QRICH2: variants seen among roughly 807,000 people sequenced by gnomAD.
The protein encoded by QRICH2 is glutamine rich 2.
Under a neutral mutation model 168.3 loss-of-function variants are expected in QRICH2, and 119 were observed. The observed-to-expected ratio is 0.71, with a 90% CI of 0.61 to 0.82. QRICH2 has a LOEUF of 0.82. Among genes scored for constraint, QRICH2 ranks in the 40% least tolerant of loss-of-function variants. The pLI, the probability that QRICH2 is intolerant of heterozygous loss-of-function variation, is 0.00. For synonymous variants in QRICH2, 894 were observed against 951.2 expected (o/e 0.94, Z 1.11); for missense variants, 2,241 against 2,491.6 (o/e 0.90, Z 2.14).
intron 14 of QRICH2, 143 bp downstream of exon 14, chr17:76,278,898 G>A (rs771789713): frequency 1.6e-5 from 12 of 741,276 alleles, no homozygotes; most frequent in East Asian, 2.7e-5. Context: ...CCCATTCCAA[G>A]GAGGAGGCTC....
intron 3 of QRICH2, among the ~76,000 whole-genome samples, chr17:76,303,352 T>G (rs1232005055): frequency 6.6e-6 from 1 of 152,168 alleles, no homozygotes; most frequent in Admixed American, 6.5e-5. Flanking sequence ...TCCGTCTACA[T>G]TTTCAAATGG....
At position 76,279,050 on chromosome 17, in the gene QRICH2, T is replaced by C. The variant is rs1362118875; in HGVS notation, c.4907A>G (p.His1636Arg). The C allele has an allele frequency of 1.2e-6, 2 of 1,613,648 alleles. No homozygotes were observed. Among genetic ancestry groups the C allele is most frequent in the Non-Finnish European group, 1.7e-6 (2 of 1,179,910 alleles). ...TVFELEQVRQHSRNLKLGSAF... is the reference protein window; with the variant it reads ...TVFELEQVRQRSRNLKLGSAF... ...CTGTCCCATAGCATACTTGCGGCTATGCTGCCGGACCTGCTCCAGTTCAAA... is the reference window on the plus strand; with the variant it reads ...CTGTCCCATAGCATACTTGCGGCTACGCTGCCGGACCTGCTCCAGTTCAAA... Residue 1636 changes from histidine (H) to arginine (R), a missense_variant, in exon 14 of 19, where the codon CAT (histidine) becomes CGT (arginine). By Grantham distance (29) the His-to-Arg change is conservative. This residue lies in a region of QRICH2 where 2,047 missense variants were observed against 2,303.8 expected (regional missense o/e 0.89). Coordinates refer to ENST00000680821, the MANE Select transcript of QRICH2 (RefSeq NM_001388453.1).
intron 12 of QRICH2, 89 bp from the exon 13 acceptor site, chr17:76,279,517 G>T: frequency 4.1e-6 from 4 of 986,768 alleles, no homozygotes; most frequent in Non-Finnish European, 3.1e-6. Flanking sequence ...TGGAAGCTCA[G>T]CCCACCAGGG....
At chr17:76,295,652 T>G (rs8072944) in intron 3 of QRICH2, among the ~76,000 whole-genome samples, 61,594 of 151,772 alleles carry the variant, frequency 0.41, 14,368 homozygotes, top group African/African-American at 0.65. Context: ...CAAAAAGAAA[T>G]AAATAAATAA....
At chr17:76,287,043 AACACACACACACACAC>A (rs56258903) in intron 7 of QRICH2, 133 bp downstream of exon 7, 49 of 203,206 alleles carry the variant, frequency 2.4e-4, no homozygotes, top group Non-Finnish European at 3.5e-4. Flanking sequence ...CACACCACAT[AACACACACACACACAC>A]ACACACACAC....
At chr17:76,274,893 T>C (rs763637373) in intron 18 of QRICH2, among the ~76,000 whole-genome samples, 4 of 152,224 alleles carry the variant, frequency 2.6e-5, no homozygotes, top group Non-Finnish European at 4.4e-5. Flanking sequence ...TAAGTGCTGG[T>C]ACATAGATTG....
intron 1 of QRICH2, among the ~76,000 whole-genome samples, chr17:76,306,560 A>T (rs749965296): frequency 1.4e-4 from 22 of 152,156 alleles, no homozygotes; most frequent in Middle Eastern, 3.2e-3. Flanking sequence ...ATACTCAATG[A>T]TTACATGCAT....
In QRICH2 at chr17:76,293,250, G is replaced by A. The variant is rs765955958; in HGVS notation, c.1477C>T (p.Arg493Cys). The part of the protein sequence containing the change: ...RSMEPLGMDQ[R>C]GCVISGMGQQ... ...CCCATGCCTGATATTACACATCCACGCTGATCCATGCCAAGTGGTTCCATA... is the reference window on the plus strand; with the variant it reads ...CCCATGCCTGATATTACACATCCACACTGATCCATGCCAAGTGGTTCCATA... The change falls in exon 4 of 19, where the codon CGT (arginine) becomes TGT (cysteine). Residue 493 changes from arginine (R) to cysteine (C), a missense_variant. Physicochemically the swap from Arg to Cys is radical, Grantham distance 180. Coordinates refer to ENST00000680821, the MANE Select transcript of QRICH2 (RefSeq NM_001388453.1). 17 of 1,613,852 alleles carry A rather than the reference G, an allele frequency of 1.1e-5. No homozygotes were observed. The highest frequency in any genetic ancestry group is 8.3e-5 in the Admixed American group (5 of 59,994).
Position 76,296,561 on chromosome 17 carries a change from C to T in QRICH2, c.706-2540G>A, listed in dbSNP as rs774009026. ...CAGAACTTTCAGTGGGTGGATTACCCGAGGTTAGCAGTTTGAGACCAGCCT... is the reference window on the plus strand; with the variant it reads ...CAGAACTTTCAGTGGGTGGATTACCTGAGGTTAGCAGTTTGAGACCAGCCT... On this transcript the variant is annotated intron_variant, in intron 3 of 18. Coordinates refer to ENST00000680821, the MANE Select transcript of QRICH2 (RefSeq NM_001388453.1). Among the ~76,000 whole-genome samples the T allele has an allele frequency of 5.3e-5, 8 of 152,006 alleles. No individual in the cohort carries two copies. The East Asian group carries it at 5.8e-4, about 11-fold the overall frequency.
At position 76,292,323 on chromosome 17, in the gene QRICH2, C is replaced by A. The variant is rs2071018669; in HGVS notation, c.2404G>T (p.Val802Leu). The A allele has an allele frequency of 3.9e-6, 3 of 771,008 alleles. No individual in the cohort carries two copies. The highest frequency in any genetic ancestry group is 3.3e-6 in the Non-Finnish European group (2 of 606,252). The allele number at this position is 771,008 out of a possible 1,614,324, so 47.8% of individuals were successfully genotyped here. A position where few individuals can be genotyped will look rare whatever the true frequency, so the allele number is the denominator to read the frequency against. ...CCACGCTGAACTGCACCAGGTTGCA[C>A]CAAACCACGCTGAACTATACCAGGT... ...VQPGIVQRGLVQPGAVQRGLV... is the reference protein window; with the variant it reads ...VQPGIVQRGLLQPGAVQRGLV... Residue 802 changes from valine to leucine, a missense_variant, in exon 4 of 19, where the codon GTG becomes TTG. Physicochemically the swap from Val to Leu is conservative, Grantham distance 32 (BLOSUM62 1). Coordinates refer to ENST00000680821, the MANE Select transcript of QRICH2 (RefSeq NM_001388453.1).
rs758648123 is a variant in QRICH2, at chr17:76,293,724, A to G, written c.1003T>C (p.Phe335Leu). The G allele has an allele frequency of 6.2e-7, 1 of 1,614,016 alleles. No homozygotes were observed. The highest frequency in any genetic ancestry group is 1.6e-4 in the Middle Eastern group (1 of 6,084). Residue 335 changes from phenylalanine to leucine, a missense_variant, in exon 4 of 19, where the codon TTC (phenylalanine) becomes CTC (leucine). Physicochemically the swap from Phe to Leu is conservative, Grantham distance 22. This residue lies in a region of QRICH2 where 2,047 missense variants were observed against 2,303.8 expected (regional missense o/e 0.89). Coordinates refer to ENST00000680821, the MANE Select transcript of QRICH2 (RefSeq NM_001388453.1). ...PRLHQSSTFQ[F>L]KSDSDRHRSR... ...CTGTGACGATCTGAGTCTGATTTGA[A>G]TTGGAATGTAGAAGACTGATGGAGT...
chr17:76,310,294 G>C (rs1385751519), upstream of QRICH2: 1 of 142,274 alleles, frequency 7.0e-6, no homozygotes, highest in Non-Finnish European at 1.5e-5. Context: ...ATGATGCCTG[G>C]CCTCTTTGTA....
chr17:76,288,121 G>A (rs951379655), intron 5 of QRICH2, among the ~76,000 whole-genome samples: 12 of 152,180 alleles, frequency 7.9e-5, no homozygotes, highest in African/African-American at 1.7e-4. Context: ...GATGGCTCAC[G>A]CCTGTAATCC....
intron 18 of QRICH2, 43 bp from the exon 19 acceptor site, chr17:76,274,303 G>C: frequency 6.4e-7 from 1 of 1,556,016 alleles, no homozygotes; most frequent in South Asian, 1.2e-5. Flanking sequence ...CATTCCCCAA[G>C]CCCACCAGGG....
Position 76,280,246 on chromosome 17 carries a change from A to T in QRICH2, c.4626+41T>A. 6.2e-7 allele frequency: 1 copy of T among 1,611,358 alleles called. No homozygotes were observed. The highest frequency in any genetic ancestry group is 8.5e-7 in the Non-Finnish European group (1 of 1,178,422). ...GTGGTGCTGTCCCGATCCTGGGGGC[A>T]AGGCTGTGGGATGGAGAGCCCCGCC... On this transcript the variant is annotated intron_variant, in intron 11 of 18. Transcript: ENST00000680821. This position sits in a 1 kb window ranked among gnomAD's most constrained non-coding sequence, Gnocchi z 7.4.
Position 76,307,776 on chromosome 17 carries a change from C to G in QRICH2, c.223G>C (p.Ala75Pro). 1 of 1,381,692 alleles carries G rather than the reference C, an allele frequency of 7.2e-7. No individual in the cohort carries two copies. Among genetic ancestry groups the G allele is most frequent in the Non-Finnish European group, 9.3e-7 (1 of 1,071,940 alleles). 85.6% of individuals were successfully genotyped at this position (1,381,692 alleles called of 1,614,324 possible). A position where few individuals can be genotyped will look rare whatever the true frequency, so the allele number is the denominator to read the frequency against. The change falls in exon 1 of 19, where the codon GCG becomes CCG. Residue 75 changes from alanine (A) to proline (P), a missense_variant. Around this residue, in one of 3 missense-constraint regions of QRICH2, gnomAD observed 2,047 missense variants for 2,303.8 expected, o/e 0.89. Transcript: ENST00000680821. This position sits in a 1 kb window ranked among gnomAD's most constrained non-coding sequence, Gnocchi z 5.3. ...GCCCCCTTGGGCACCTCCTTGGGCG[C>G]GGGCAGGTGCGGGATGCTGAACGAG... ...RSSFSIPHLP[A>P]PKEVPKGAPR...
Position 76,281,977 on chromosome 17 carries a change from G to A in QRICH2, c.4150C>T (p.Leu1384=), listed in dbSNP as rs1568108752. 6.2e-7 allele frequency: 1 copy of A among 1,613,754 alleles called. No homozygotes were observed. The highest frequency in any genetic ancestry group is 8.5e-7 in the Non-Finnish European group (1 of 1,179,920). The change falls in exon 8 of 19, where the codon CTG becomes TTG. Residue 1384 remains leucine (L), a synonymous_variant. Coordinates refer to ENST00000680821, the MANE Select transcript of QRICH2 (RefSeq NM_001388453.1). The surrounding 1 kb of genome is among the most constrained non-coding windows in gnomAD (Gnocchi z 4.4). ...DPEATCPACS[L]DVSHQVSTLV... is the part of the protein sequence containing the mutation. ...GTGCTGACCTGATGGCTCACATCCA[G>A]GCTGCAGGCTGGACAGGTGGCCTCA... is the stretch of plus-strand genomic sequence containing the variant.
At position 76,304,872 on chromosome 17, in the gene QRICH2, C is replaced by A. The variant is rs748404087; in HGVS notation, c.594+10G>T. ...GGAGAGCCCTTTCCCATGGAACTGG[C>A]TGGTATTACCAGGAATTGCTCCCGA... On this transcript the variant is annotated intron_variant, in intron 2 of 18. Transcript: ENST00000680821. 2 of 1,603,330 alleles carry A rather than the reference C, an allele frequency of 1.2e-6. No individual in the cohort carries two copies. Among genetic ancestry groups the A allele is most frequent in the Admixed American group, 3.3e-5 (2 of 60,000 alleles).
Position 76,307,843 on chromosome 17 carries a change from G to A in QRICH2, c.156C>T (p.Pro52=), listed in dbSNP as rs2071015364. ...DLQNTRIDFQ[P]SSPEPSRSLQ... ...GCGAGCGGCTGGGCTCGGGCGACGA[G>A]GGCTGGAAGTCGATCCGGGTATTTT... The change falls in exon 1 of 19, where the codon CCC becomes CCT. Residue 52 remains proline (P), a synonymous_variant. Transcript: ENST00000680821. This position sits in a 1 kb window ranked among gnomAD's most constrained non-coding sequence, Gnocchi z 5.3. The A allele has an allele frequency of 3.1e-6, 4 of 1,281,572 alleles. No individual in the cohort carries two copies. Among genetic ancestry groups the A allele is most frequent in the Non-Finnish European group, 3.9e-6 (4 of 1,016,386 alleles). 79.4% of individuals were successfully genotyped at this position (1,281,572 alleles called of 1,614,324 possible).
Sources: gnomAD v4.1 joint callset for allele counts (sites outside exome capture counted in the v4.1 genomes callset) on GRCh38, gnomAD v4.1.1 for gene constraint, gnomAD v4.1.1 regional missense constraint, Gnocchi (gnomAD v3.1) non-coding constraint, MANE v1.5 for transcripts, NCBI Gene and HGNC (gene_info 2026-07-23, HGNC 2026-07-21) for gene names.